The following LINGO2 variants were observed in gnomAD, a reference collection of about 807,000 sequenced individuals.
LINGO2 encodes the protein leucine rich repeat and Ig domain containing 2, also known as leucine-rich repeat and immunoglobulin-like domain-containing nogo receptor-interacting protein 2.
Under a neutral mutation model 30.6 loss-of-function variants are expected in LINGO2, and 14 were observed. That is an observed-to-expected ratio of 0.46 (90% CI 0.30 to 0.72). The LOEUF (loss-of-function observed/expected upper bound fraction) is 0.72, where lower values mean the gene tolerates loss of function less well. Among genes scored for constraint, LINGO2 ranks in the 30% least tolerant of loss-of-function variants. The pLI, the probability that LINGO2 is intolerant of heterozygous loss-of-function variation, is 0.07. For missense variants in LINGO2, 729 were observed against 751.7 expected, an observed-to-expected ratio of 0.97 and a Z score of 0.35; for synonymous variants, 317 against 288.5, an observed-to-expected ratio of 1.10 and a Z score of -1.00.
intron 1 of LINGO2, among the ~76,000 whole-genome samples, chr9:28,669,452 C>T (rs915529470): frequency 2.0e-5 from 3 of 152,010 alleles, no homozygotes; most frequent in African/African-American, 4.8e-5. Flanking sequence ...TCTTCCTGGG[C>T]ACCACTGGAC....
At chr9:28,545,630 G>A (rs947761066) in intron 1 of LINGO2, among the ~76,000 whole-genome samples, 1 of 151,938 alleles carries the variant, frequency 6.6e-6, no homozygotes, top group Non-Finnish European at 1.5e-5. Context: ...GGCAGACTTG[G>A]TAGTACAAGT....
chr9:29,191,372 T>C, the LINGO2 span, among the ~76,000 whole-genome samples: 4 of 152,208 alleles, frequency 2.6e-5, no homozygotes, highest in African/African-American at 9.6e-5. Flanking sequence ...AATAGACTTT[T>C]AATAAATAGA....
chr9:29,110,493 C>T, the LINGO2 span, among the ~76,000 whole-genome samples: 10 of 151,588 alleles, frequency 6.6e-5, no homozygotes, highest in Non-Finnish European at 1.2e-4. Flanking sequence ...CCGCCACGCC[C>T]GGCTAATTTT....
chr9:28,424,821 A>G (rs1158951988), intron 2 of LINGO2, among the ~76,000 whole-genome samples: 1 of 152,098 alleles, frequency 6.6e-6, no homozygotes, highest in African/African-American at 2.4e-5. Context: ...AGATGACATA[A>G]GAGGCAGTGT....
At chr9:28,123,310 A>G (rs1827150078) in intron 4 of LINGO2, among the ~76,000 whole-genome samples, 1 of 152,246 alleles carries the variant, frequency 6.6e-6, no homozygotes, top group Non-Finnish European at 1.5e-5. Flanking sequence ...CCTTAAAAAT[A>G]GAGCATATAC....
At chr9:28,019,578 CAAAT>C (rs1284217474) in intron 4 of LINGO2, among the ~76,000 whole-genome samples, 1 of 151,876 alleles carries the variant, frequency 6.6e-6, no homozygotes, top group East Asian at 1.9e-4. Context: ...AGTAAAATAG[CAAAT>C]AAAGTGGTCA....
chr9:28,666,183 C>A (rs374245537), intron 1 of LINGO2, among the ~76,000 whole-genome samples: 3 of 151,966 alleles, frequency 2.0e-5, no homozygotes. Flanking sequence ...TGAGTCACTG[C>A]GCCCGGCTTA....
At chr9:28,758,242 A>C in the LINGO2 span, among the ~76,000 whole-genome samples, 1 of 152,200 alleles carries the variant, frequency 6.6e-6, no homozygotes, top group East Asian at 1.9e-4. Flanking sequence ...GGAGAGTTTC[A>C]GAAACTTGAA....
At chr9:28,783,397 T>A in the LINGO2 span, among the ~76,000 whole-genome samples, 1 of 152,158 alleles carries the variant, frequency 6.6e-6, no homozygotes, top group Non-Finnish European at 1.5e-5. Flanking sequence ...ACTATATTTT[T>A]AAATTTTATT....
the LINGO2 span, among the ~76,000 whole-genome samples, chr9:29,183,787 A>G: frequency 6.6e-6 from 1 of 151,352 alleles, no homozygotes; most frequent in Non-Finnish European, 1.5e-5. Context: ...GATGCTACAC[A>G]AAGATGTAGC....
Position 28,515,707 on chromosome 9 carries a change from G to A in LINGO2, c.-364-39682C>T, listed in dbSNP as rs1446130737. Among the ~76,000 whole-genome samples the A allele has an allele frequency of 2.0e-5, 3 of 152,130 alleles. 1 individual carries two copies. The highest frequency in any genetic ancestry group is 7.2e-5 in the African/African-American group (3 of 41,422). Reference sequence around the variant, plus strand: ...GTTTCTTTTTATGAAGTCTACTTGCGGTGAAGATATTGGGAACATTGTTGA... The same window carrying A: ...GTTTCTTTTTATGAAGTCTACTTGCAGTGAAGATATTGGGAACATTGTTGA... On this transcript the variant is annotated intron_variant, in intron 1 of 5. Coordinates refer to ENST00000379992, the Ensembl canonical transcript of LINGO2.
the LINGO2 span, among the ~76,000 whole-genome samples, chr9:29,061,830 C>T: frequency 6.6e-6 from 1 of 151,918 alleles, no homozygotes; most frequent in Non-Finnish European, 1.5e-5. Flanking sequence ...ATAAACTGGA[C>T]TTAATCAAAA....
At chr9:28,551,001 T>C (rs549553189) in intron 1 of LINGO2, among the ~76,000 whole-genome samples, 3 of 151,864 alleles carry the variant, frequency 2.0e-5, no homozygotes, top group Non-Finnish European at 2.9e-5. Flanking sequence ...CAAATGAGAA[T>C]ACAAATTTTG....
At chr9:28,004,249 T>A (rs1822142652) in intron 5 of LINGO2, among the ~76,000 whole-genome samples, 1 of 152,178 alleles carries the variant, frequency 6.6e-6, no homozygotes. Flanking sequence ...TTTGTTTTTC[T>A]TATATACTTT....
intron 4 of LINGO2, among the ~76,000 whole-genome samples, chr9:28,145,229 A>C (rs1009876588): frequency 6.6e-6 from 1 of 152,208 alleles, no homozygotes; most frequent in African/African-American, 2.4e-5. Context: ...CTAGAAGCTC[A>C]AAGTGTGCGA....
the LINGO2 span, among the ~76,000 whole-genome samples, chr9:29,129,080 C>T: frequency 3.3e-5 from 5 of 152,078 alleles, no homozygotes; most frequent in African/African-American, 1.2e-4. Context: ...GGTTATAAAG[C>T]TATTAACCCA....
chr9:28,028,510 A>G (rs1823498611), intron 4 of LINGO2, among the ~76,000 whole-genome samples: 1 of 152,162 alleles, frequency 6.6e-6, no homozygotes, highest in Non-Finnish European at 1.5e-5. Context: ...AGAGAAGATT[A>G]TAACAATATA....
At chr9:28,595,486 T>C (rs146002002) in intron 1 of LINGO2, among the ~76,000 whole-genome samples, 1 of 152,226 alleles carries the variant, frequency 6.6e-6, no homozygotes, top group East Asian at 1.9e-4. Flanking sequence ...ATTCTACTAA[T>C]TTTCAAAATA....
At chr9:29,058,388 T>C in the LINGO2 span, among the ~76,000 whole-genome samples, 3 of 151,978 alleles carry the variant, frequency 2.0e-5, no homozygotes, top group Non-Finnish European at 2.9e-5. Flanking sequence ...CAATAGAAGA[T>C]ATCCAAATTG....
Sources: gnomAD v4.1 joint callset for allele counts (sites outside exome capture counted in the v4.1 genomes callset) on GRCh38, gnomAD v4.1.1 for gene constraint, MANE v1.5 for transcripts, NCBI Gene and HGNC (gene_info 2026-07-23, HGNC 2026-07-21) for gene names.